TXLNG: variants seen among roughly 807,000 people sequenced by gnomAD.
The protein encoded by TXLNG is taxilin gamma.
In TXLNG, 5 loss-of-function variants were observed where a neutral mutation model predicts 38.8. The observed-to-expected ratio is 0.13, with a 90% CI of 0.07 to 0.27. The LOEUF is 0.27. Among genes scored for constraint, TXLNG ranks in the 10% least tolerant of loss-of-function variants. The probability of loss-of-function intolerance (pLI) is 1.00; values close to 1 mark genes in which losing one functional copy is unlikely to be tolerated. For missense variants in TXLNG, 393 were observed against 398.2 expected, an observed-to-expected ratio of 0.99 and a Z score of 0.11; for synonymous variants, 182 against 158.2, an observed-to-expected ratio of 1.15 and a Z score of -1.13.
intron 3 of TXLNG, among the ~76,000 whole-genome samples, chrX:16,823,584 C>T (rs751868244): frequency 2.1e-4 from 23 of 110,566 alleles, no homozygotes; most frequent in Non-Finnish European, 3.6e-4. Context: ...GTCTTCTGCC[C>T]GTTTATGACA....
At chrX:16,819,929 G>A (rs1230879008) in intron 2 of TXLNG, among the ~76,000 whole-genome samples, 1 of 111,765 alleles carries the variant, frequency 8.9e-6, no homozygotes, top group Non-Finnish European at 1.9e-5. Flanking sequence ...TAAATAGCTC[G>A]CAGTGTTAGT....
intron 9 of TXLNG, 60 bp downstream of exon 9, chrX:16,839,976 G>A: frequency 1.1e-6 from 1 of 897,965 alleles, no homozygotes; most frequent in Non-Finnish European, 1.6e-6. Context: ...TTGAGTTCAG[G>A]TACCTATCGG....
intron 1 of TXLNG, among the ~76,000 whole-genome samples, chrX:16,795,817 T>A (rs1927866730): frequency 1.8e-5 from 2 of 108,882 alleles, no homozygotes; most frequent in Admixed American, 2.0e-4. Flanking sequence ...ATTCAATTTT[T>A]TTTTTTTTTT....
rs765944760 is a variant in TXLNG, at chrX:16,787,757, G to A, written c.102+1168G>A. Among the ~76,000 whole-genome samples, 7 of 111,608 alleles carry A rather than the reference G, an allele frequency of 6.3e-5. No individual in the cohort carries two copies. The South Asian group carries it at 2.6e-3, about 42-fold the overall frequency. ...AAACGTTCGACTTGTTGGATATCTT[G>A]CTTGATCACCGAGGGCTATTTAATA... On this transcript the variant is annotated intron_variant, in intron 1 of 9. Transcript: ENST00000380122.
rs1204945439 is a variant in TXLNG at position 16,843,833 on chromosome X, A to ATTCTGTCTGGGATGCATTTGTTG, written c.*2069_*2091dup. On this transcript the variant is annotated 3_prime_UTR_variant, in exon 10 of 10. Transcript: ENST00000380122. ...CTATTATAGTGTTGAAAGGATATGG[A>ATTCTGTCTGGGATGCATTTGTTG]TTCTGTCTGGGATGCATTTGTTGTC... is the stretch of plus-strand genomic sequence containing the variant. 2.7e-5 allele frequency: 3 copies of ATTCTGTCTGGGATGCATTTGTTG among 111,593 alleles called. No homozygotes were observed. Among genetic ancestry groups the ATTCTGTCTGGGATGCATTTGTTG allele is most frequent in the African/African-American group, 9.8e-5 (3 of 30,657 alleles). The allele number at this position is 111,593 out of a possible 1,213,427, so 9.2% of individuals were successfully genotyped here. A position where few individuals can be genotyped will look rare whatever the true frequency, so the allele number is the denominator to read the frequency against.
At chrX:16,832,492 C>A in intron 5 of TXLNG, 131 bp from the exon 6 acceptor site, 1 of 866,345 alleles carries the variant, frequency 1.2e-6, no homozygotes, top group South Asian at 2.3e-5. Flanking sequence ...AGAGAGAGAG[C>A]TGGTGTTCTT....
intron 1 of TXLNG, among the ~76,000 whole-genome samples, chrX:16,797,159 C>A (rs1927917128): frequency 9.1e-6 from 1 of 109,421 alleles, no homozygotes; most frequent in Non-Finnish European, 1.9e-5. Flanking sequence ...TGGCGCATGC[C>A]TGTAATCCCA....
intron 1 of TXLNG, among the ~76,000 whole-genome samples, chrX:16,797,219 G>A (rs1462253909): frequency 9.2e-6 from 1 of 108,391 alleles, no homozygotes; most frequent in Non-Finnish European, 1.9e-5. Context: ...AGGAGTTGGA[G>A]GTTGCAGTGA....
chrX:16,843,834 TTC>T lies in TXLNG; in HGVS notation c.*2070_*2071del, dbSNP rs923237311. On this transcript the variant is annotated 3_prime_UTR_variant, in exon 10 of 10. Coordinates refer to ENST00000380122, the MANE Select transcript of TXLNG (RefSeq NM_018360.3). ...TATTATAGTGTTGAAAGGATATGGA[TTC>T]TGTCTGGGATGCATTTGTTGTCCTT... 8.9e-6 allele frequency: 1 copy of T among 111,764 alleles called. No homozygotes were observed. The highest frequency in any genetic ancestry group is 1.9e-5 in the Non-Finnish European group (1 of 53,201). The allele number at this position is 111,764 out of a possible 1,213,427, so 9.2% of individuals were successfully genotyped here.
intron 7 of TXLNG, among the ~76,000 whole-genome samples, chrX:16,835,252 TA>T (rs1243999574): frequency 9.0e-6 from 1 of 111,690 alleles, no homozygotes; most frequent in African/African-American, 3.3e-5. Flanking sequence ...AGATTAGCTG[TA>T]AAATAACACT....
intron 1 of TXLNG, among the ~76,000 whole-genome samples, chrX:16,813,205 T>A (rs777279602): frequency 8.9e-6 from 1 of 111,743 alleles, no homozygotes; most frequent in Admixed American, 9.6e-5. Flanking sequence ...TTCAATATTG[T>A]TAGTCATTAG....
chrX:16,797,487 C>T (rs1389613592), intron 1 of TXLNG, among the ~76,000 whole-genome samples: 7 of 111,734 alleles, frequency 6.3e-5, no homozygotes, highest in Non-Finnish European at 1.9e-5. Context: ...ATCCACTTCC[C>T]AGCTCACTCT....
Position 16,824,097 on chromosome X carries a change from T to C in TXLNG, c.498+3842T>C, listed in dbSNP as rs186190345. 2.0e-4 allele frequency among the ~76,000 whole-genome samples: 22 copies of C among 112,255 alleles called. 1 individual carries two copies. The East Asian group carries it at 5.9e-3, about 30-fold the overall frequency. On this transcript the variant is annotated intron_variant, in intron 3 of 9. Coordinates refer to ENST00000380122, the MANE Select transcript of TXLNG (RefSeq NM_018360.3). ...AAAAAATGGTTATCCTGGCCAGATA[T>C]GGTAGCTCAGCCCTGTAGCATCTGC...
chrX:16,837,468 T>C (rs1004958108), intron 7 of TXLNG, 125 bp from the exon 8 acceptor site: 15 of 442,874 alleles, frequency 3.4e-5, no homozygotes, highest in Non-Finnish European at 4.9e-5. Context: ...TGTCCAAGGA[T>C]TGGATGTGCA....
rs1463553263 is a variant in TXLNG at position 16,844,043 on chromosome X, A to T, written c.*2277A>T. On this transcript the variant is annotated 3_prime_UTR_variant, in exon 10 of 10. Transcript: ENST00000380122. ...GGCCCAGAAAAGGTTTAAATGTTGA[A>T]TTCACTTAAATTGCAATTGTTGCAC... 1.8e-5 allele frequency: 2 copies of T among 111,807 alleles called. No individual in the cohort carries two copies. The highest frequency in any genetic ancestry group is 3.8e-5 in the Non-Finnish European group (2 of 53,195). 9.2% of individuals were successfully genotyped at this position (111,807 alleles called of 1,213,427 possible).
intron 1 of TXLNG, among the ~76,000 whole-genome samples, chrX:16,788,825 G>A (rs1489332112): frequency 2.7e-5 from 3 of 110,110 alleles, no homozygotes; most frequent in Admixed American, 9.8e-5. Context: ...GTGCTACCAC[G>A]CCCAGCTAAT....
intron 5 of TXLNG, among the ~76,000 whole-genome samples, chrX:16,831,521 G>A (rs1929412261): frequency 8.9e-6 from 1 of 112,444 alleles, no homozygotes; most frequent in South Asian, 3.6e-4. Context: ...TTTATATAAC[G>A]CCAGTCTCTA....
At position 16,818,796 on chromosome X, in the gene TXLNG, A is replaced by T. The variant is rs777703350; in HGVS notation, c.325A>T (p.Ile109Phe). The T allele has an allele frequency of 8.3e-6, 10 of 1,210,596 alleles. No homozygotes were observed. Among genetic ancestry groups the T allele is most frequent in the Non-Finnish European group, 1.1e-5 (10 of 895,414 alleles). ...AYCTQESREEIPGGEARTDPP... is the reference protein window; with the variant it reads ...AYCTQESREEFPGGEARTDPP... Reference sequence around the variant, plus strand: ...CTGCACGCAAGAATCAAGAGAGGAAATCCCTGGGGGAGAAGCTCGAACAGA... The same window carrying T: ...CTGCACGCAAGAATCAAGAGAGGAATTCCCTGGGGGAGAAGCTCGAACAGA... Residue 109 changes from isoleucine (I) to phenylalanine (F), a missense_variant, in exon 2 of 10, where the codon ATC becomes TTC. Physicochemically the swap from Ile to Phe is conservative, Grantham distance 21. Coordinates refer to ENST00000380122, the MANE Select transcript of TXLNG (RefSeq NM_018360.3).
intron 1 of TXLNG, among the ~76,000 whole-genome samples, chrX:16,789,880 C>T (rs1311718678): frequency 9.2e-6 from 1 of 109,052 alleles, no homozygotes; most frequent in Non-Finnish European, 1.9e-5. Context: ...CCACAACCTC[C>T]GCCTCCCGGG....
Sources: gnomAD v4.1 joint callset for allele counts (sites outside exome capture counted in the v4.1 genomes callset) on GRCh38, gnomAD v4.1.1 for gene constraint, MANE v1.5 for transcripts, NCBI Gene and HGNC (gene_info 2026-07-23, HGNC 2026-07-21) for gene names.